The following TMEM87A variants were observed in gnomAD, a reference collection of about 807,000 sequenced individuals.
TMEM87A encodes transmembrane protein 87A, also known as Golgi-pH regulating cation channel.
In TMEM87A, 50 loss-of-function variants were observed where a neutral mutation model predicts 90.0. The ratio of observed to expected loss-of-function variants is 0.56; its 90% CI spans 0.44 to 0.70. The LOEUF (loss-of-function observed/expected upper bound fraction) is 0.70. Among genes scored for constraint, TMEM87A ranks in the 30% least tolerant of loss-of-function variants. The pLI, the probability that TMEM87A is intolerant of heterozygous loss-of-function variation, is 0.00. For synonymous variants in TMEM87A, 226 were observed against 226.7 expected, an observed-to-expected ratio of 1.00 and a Z score of 0.03; for missense variants, 577 against 660.5, an observed-to-expected ratio of 0.87 and a Z score of 1.39.
At chr15:42,235,575 C>G (rs2050755229) in intron 10 of TMEM87A, among the ~76,000 whole-genome samples, 1 of 152,222 alleles carries the variant, frequency 6.6e-6, no homozygotes, top group South Asian at 2.1e-4. Flanking sequence ...TCCTATCATA[C>G]ATCTGATCCA....
intron 19 of TMEM87A, among the ~76,000 whole-genome samples, chr15:42,216,750 C>T (rs1566920539): frequency 6.6e-6 from 1 of 152,108 alleles, no homozygotes; most frequent in Non-Finnish European, 1.5e-5. Flanking sequence ...ACTGTACATG[C>T]TGTGTCAAAG....
chr15:42,218,476 T>A, intron 17 of TMEM87A, 98 bp from the exon 18 acceptor site: 2 of 1,119,270 alleles, frequency 1.8e-6, no homozygotes, highest in Non-Finnish European at 2.6e-6. Context: ...CATAATTCTG[T>A]AGTCATACAT....
intron 6 of TMEM87A, among the ~76,000 whole-genome samples, chr15:42,253,148 G>A (rs1003800680): frequency 4.6e-5 from 7 of 152,134 alleles, no homozygotes; most frequent in Admixed American, 1.3e-4. Flanking sequence ...GCACCCTGGC[G>A]CAATCCTTCA....
intron 6 of TMEM87A, among the ~76,000 whole-genome samples, chr15:42,256,239 C>T (rs994205410): frequency 2.0e-5 from 3 of 152,118 alleles, no homozygotes; most frequent in African/African-American, 7.2e-5. Flanking sequence ...TTCTTGGGCT[C>T]AAGTGATTCT....
intron 18 of TMEM87A, 131 bp downstream of exon 18, chr15:42,218,192 G>T: frequency 1.1e-6 from 1 of 935,638 alleles, no homozygotes; most frequent in Non-Finnish European, 1.6e-6. Context: ...TTTGTTTGCG[G>T]ATTATTCCTA....
chr15:42,263,682 A>C (rs2051341095), intron 4 of TMEM87A, among the ~76,000 whole-genome samples: 1 of 152,182 alleles, frequency 6.6e-6, no homozygotes, highest in Non-Finnish European at 1.5e-5. Context: ...CGGGTGATGG[A>C]GACTGCAGTG....
At chr15:42,264,011 C>A in intron 4 of TMEM87A, 79 bp downstream of exon 4, 2 of 1,051,406 alleles carry the variant, frequency 1.9e-6, no homozygotes, top group Non-Finnish European at 2.9e-6. Flanking sequence ...CTTGAGAAGT[C>A]GGAAGTGGAT....
chr15:42,272,284 T>C (rs1186597456), intron 1 of TMEM87A, among the ~76,000 whole-genome samples, 161 bp from the exon 2 acceptor site: 1 of 152,212 alleles, frequency 6.6e-6, no homozygotes, highest in Non-Finnish European at 1.5e-5. Context: ...CTGCTCAGAA[T>C]AACCAATCAT....
intron 6 of TMEM87A, among the ~76,000 whole-genome samples, chr15:42,253,691 T>C (rs1406049571): frequency 6.6e-6 from 1 of 152,232 alleles, no homozygotes; most frequent in Non-Finnish European, 1.5e-5. Context: ...AATTACAATA[T>C]CACTGCACTT....
At chr15:42,251,586 C>A (rs2051087254) in intron 6 of TMEM87A, among the ~76,000 whole-genome samples, 1 of 152,208 alleles carries the variant, frequency 6.6e-6, no homozygotes, top group Admixed American at 6.5e-5. Flanking sequence ...TGCAGAACAG[C>A]AAATATTGTT....
At chr15:42,214,374 T>C (rs1460824071) in intron 19 of TMEM87A, among the ~76,000 whole-genome samples, 2 of 152,120 alleles carry the variant, frequency 1.3e-5, no homozygotes, top group African/African-American at 2.4e-5. Context: ...GCCAAAGACA[T>C]GACAAGAAGA....
chr15:42,229,762 A>G (rs1255341203), intron 12 of TMEM87A, among the ~76,000 whole-genome samples: 1 of 152,172 alleles, frequency 6.6e-6, no homozygotes, highest in Admixed American at 6.5e-5. Context: ...TCTCAAGTAG[A>G]AGTTGCCAGA....
Position 42,267,957 on chromosome 15 carries a change from T to G in TMEM87A, c.281A>C (p.Tyr94Ser), listed in dbSNP as rs2051438306. ...LKSADCYNEIYNFKAEEVELY... is the reference protein window; with the variant it reads ...LKSADCYNEISNFKAEEVELY... ...TTTTATGTTCCTTACCTTGAAGTTA[T>G]AGATTTCATTGTAACAATCAGCGCT... The change falls in exon 3 of 20, where the codon TAT (tyrosine) becomes TCT (serine). Residue 94 changes from tyrosine (Y) to serine (S), a missense_variant. Tyr to Ser is a moderately radical substitution (Grantham distance 144, BLOSUM62 -2). Transcript: ENST00000389834. 1 of 1,612,456 alleles carries G rather than the reference T, an allele frequency of 6.2e-7. No individual in the cohort carries two copies. Among genetic ancestry groups the G allele is most frequent in the Non-Finnish European group, 8.5e-7 (1 of 1,179,196 alleles).
chr15:42,227,691 T>C lies in TMEM87A; in HGVS notation c.1299+20A>G, dbSNP rs370524837. 41 of 1,607,142 alleles carry C rather than the reference T, an allele frequency of 2.6e-5. No individual in the cohort carries two copies. The African/African-American group carries it at 5.5e-4, about 21-fold the overall frequency. On this transcript the variant is annotated intron_variant, in intron 14 of 19. Coordinates refer to ENST00000389834, the MANE Select transcript of TMEM87A (RefSeq NM_015497.5). Reference sequence around the variant, plus strand: ...TGTTTATAAGACAGTACATTATTCATAAATGTGCTTATAACTCACCGACTG... The same window carrying C: ...TGTTTATAAGACAGTACATTATTCACAAATGTGCTTATAACTCACCGACTG...
intron 6 of TMEM87A, among the ~76,000 whole-genome samples, chr15:42,255,349 C>G (rs1041191644): frequency 6.6e-5 from 10 of 152,176 alleles, no homozygotes; most frequent in Non-Finnish European, 1.0e-4. Context: ...TCAGGTTGGT[C>G]TTGAACTCGT....
At chr15:42,248,804 G>C (rs1488861629) in intron 6 of TMEM87A, among the ~76,000 whole-genome samples, 1 of 152,180 alleles carries the variant, frequency 6.6e-6, no homozygotes, top group African/African-American at 2.4e-5. Context: ...CTCATAAAAT[G>C]AGTTAGGGAG....
At chr15:42,252,001 G>T (rs1187652290) in intron 6 of TMEM87A, among the ~76,000 whole-genome samples, 2 of 152,250 alleles carry the variant, frequency 1.3e-5, no homozygotes, top group Non-Finnish European at 2.9e-5. Context: ...TTCGATTTGG[G>T]ACTGCTGCAC....
intron 10 of TMEM87A, among the ~76,000 whole-genome samples, chr15:42,234,093 C>G (rs761079679): frequency 6.6e-5 from 10 of 152,052 alleles, no homozygotes; most frequent in Non-Finnish European, 1.2e-4. Context: ...ACAAAAGAAA[C>G]TTTTAAAAAA....
intron 8 of TMEM87A, among the ~76,000 whole-genome samples, chr15:42,238,937 T>C (rs1302494479): frequency 6.6e-6 from 1 of 151,698 alleles, no homozygotes; most frequent in Non-Finnish European, 1.5e-5. Flanking sequence ...CAAAGAAAAT[T>C]GAAAATATAT....
Sources: gnomAD v4.1 joint callset for allele counts (sites outside exome capture counted in the v4.1 genomes callset) on GRCh38, gnomAD v4.1.1 for gene constraint, MANE v1.5 for transcripts, NCBI Gene and HGNC (gene_info 2026-07-23, HGNC 2026-07-21) for gene names.